Variants in EML1 observed in about 807,000 individuals in gnomAD.
EML1 encodes echinoderm microtubule-associated protein-like 1.
Under a neutral mutation model 110.4 loss-of-function variants are expected in EML1, and 27 were observed. The ratio of observed to expected loss-of-function variants is 0.24; its 90% CI spans 0.18 to 0.34. The LOEUF (loss-of-function observed/expected upper bound fraction) is 0.34. Among genes scored for constraint, EML1 ranks in the 10% least tolerant of loss-of-function variants. The pLI is 1.00. For missense variants in EML1, 741 were observed against 1,030.9 expected (o/e 0.72, Z 3.85); for synonymous variants, 344 against 385.8 (o/e 0.89, Z 1.27).
chr14:99,871,178 C>T (rs1165553828), intron 3 of EML1, among the ~76,000 whole-genome samples: 6 of 152,140 alleles, frequency 3.9e-5, no homozygotes, highest in African/African-American at 1.4e-4. Context: ...AAGATGATCT[C>T]GATCTCTTGA....
At chr14:99,870,608 G>A (rs2059181741) in intron 3 of EML1, among the ~76,000 whole-genome samples, 1 of 152,194 alleles carries the variant, frequency 6.6e-6, no homozygotes, top group Admixed American at 6.5e-5. Context: ...GCCTGATGTG[G>A]CTGGTGACTT....
In EML1 at chr14:99,915,072, G is replaced by T. The variant is rs141962090; in HGVS notation, c.1752+375G>T. On this transcript the variant is annotated intron_variant, in intron 15 of 21. Coordinates refer to ENST00000262233, the MANE Select transcript of EML1 (RefSeq NM_004434.3). ...AATTTACAAGCTGTACTAAACACAC[G>T]ATTGAATATATCTCTACATTTTGAG... is the stretch of plus-strand genomic sequence containing the variant. The T allele has an allele frequency of 1.9e-4, 50 of 264,464 alleles. 1 individual carries two copies. The highest frequency in any genetic ancestry group is 8.5e-4 in the African/African-American group (36 of 42,540). 16.4% of individuals were successfully genotyped at this position (264,464 alleles called of 1,614,324 possible).
chr14:99,824,204 C>T (rs960267418), intron 1 of EML1, among the ~76,000 whole-genome samples: 2 of 152,234 alleles, frequency 1.3e-5, no homozygotes, highest in African/African-American at 4.8e-5. Context: ...AGGCGATCCA[C>T]CCGCCTCAGC....
At chr14:99,909,554 T>G in intron 11 of EML1, 75 bp downstream of exon 11, 1 of 1,582,576 alleles carries the variant, frequency 6.3e-7, no homozygotes, top group Non-Finnish European at 8.6e-7. Flanking sequence ...CTCTGGGGGC[T>G]CTGGTGATCA....
At chr14:99,871,910 G>A (rs11844875) in intron 3 of EML1, among the ~76,000 whole-genome samples, 2,777 of 152,264 alleles carry the variant, frequency 0.018, 89 homozygotes, top group African/African-American at 0.064. Context: ...CGTGGGGAAC[G>A]TGGCCCGGGC....
At chr14:99,821,023 CTTTTT>C (rs869159128) in intron 1 of EML1, among the ~76,000 whole-genome samples, 1 of 133,868 alleles carries the variant, frequency 7.5e-6, no homozygotes, top group Non-Finnish European at 1.6e-5. Context: ...CTTACATTTA[CTTTTT>C]TTTTTTTTTT....
At position 99,917,706 on chromosome 14, in the gene EML1, C is replaced by A. The variant is rs993033248; in HGVS notation, c.1753-76C>A. The A allele has an allele frequency of 1.3e-5, 18 of 1,399,304 alleles. No individual in the cohort carries two copies. In the South Asian group the frequency reaches 2.0e-4, roughly 16 times the overall value. The allele number at this position is 1,399,304 out of a possible 1,614,324, so 86.7% of individuals were successfully genotyped here. ...AGAAGTGTGAGCGTTTGTGTGTGCACGCACTCACGTGTGTGTGTTTTATGC... is the reference window on the plus strand; with the variant it reads ...AGAAGTGTGAGCGTTTGTGTGTGCAAGCACTCACGTGTGTGTGTTTTATGC... On this transcript the variant is annotated intron_variant, in intron 15 of 21. Transcript: ENST00000262233.
At chr14:99,748,645 G>A (rs957677118) in intron 1 of EML1, among the ~76,000 whole-genome samples, 7 of 152,114 alleles carry the variant, frequency 4.6e-5, no homozygotes, top group Non-Finnish European at 7.4e-5. Context: ...GCAACAGAGC[G>A]AGACCCTGTC....
rs543081142 is a variant in EML1, at chr14:99,936,396, A to C, written c.2095+62A>C. On this transcript the variant is annotated intron_variant, in intron 19 of 21. Coordinates refer to ENST00000262233, the MANE Select transcript of EML1 (RefSeq NM_004434.3). This position sits in a 1 kb window ranked among gnomAD's most constrained non-coding sequence, Gnocchi z 5.5. ...TCAGAAAGCGTTCACTCTGAGATCC[A>C]GGGGGCCTCTGTGAGAACCCACCTC... 6.2e-5 allele frequency: 94 copies of C among 1,509,698 alleles called. No homozygotes were observed. The African/African-American group carries it at 1.2e-3, about 19-fold the overall frequency. The allele number at this position is 1,509,698 out of a possible 1,614,324, so 93.5% of individuals were successfully genotyped here. A position where few individuals can be genotyped will look rare whatever the true frequency, so the allele number is the denominator to read the frequency against.
chr14:99,778,944 T>C lies in EML1; in HGVS notation c.-27+4931T>C, dbSNP rs79408915. ...CCAGTGTTCTAAAACATCTGGTGCA[T>C]ATAACAGCTGATGGACGTAACATTT... On this transcript the variant is annotated intron_variant, in intron 1 of 22. Transcript: ENST00000327921. Among the ~76,000 whole-genome samples, 1,118 of 152,338 alleles carry C rather than the reference T, an allele frequency of 7.3e-3. 9 individuals are homozygous for C. Among genetic ancestry groups the C allele is most frequent in the African/African-American group, 0.026 (1,071 of 41,592 alleles).
At chr14:99,853,316 C>T (rs2058843364) in intron 2 of EML1, among the ~76,000 whole-genome samples, 1 of 152,108 alleles carries the variant, frequency 6.6e-6, no homozygotes, top group South Asian at 2.1e-4. Context: ...CTTGGGCTCT[C>T]TACTTTCTGT....
chr14:99,876,376 G>A lies in EML1; in HGVS notation c.384-2109G>A, dbSNP rs139266208. Among the ~76,000 whole-genome samples the A allele has an allele frequency of 2.5e-3, 385 of 152,220 alleles. 4 individuals are homozygous for A. Among genetic ancestry groups the A allele is most frequent in the African/African-American group, 8.7e-3 (361 of 41,536 alleles). On this transcript the variant is annotated intron_variant, in intron 3 of 21. Coordinates refer to ENST00000262233, the MANE Select transcript of EML1 (RefSeq NM_004434.3). ...CACTGAAGCTGTGCCCACTGGCGCCGCCTGAGACTCCCCACTTCCCAGGGC... is the reference window on the plus strand; with the variant it reads ...CACTGAAGCTGTGCCCACTGGCGCCACCTGAGACTCCCCACTTCCCAGGGC...
chr14:99,926,576 C>T (rs2060238425), intron 17 of EML1, among the ~76,000 whole-genome samples: 1 of 151,830 alleles, frequency 6.6e-6, no homozygotes, highest in Non-Finnish European at 1.5e-5. Flanking sequence ...TAAGCCACTG[C>T]CCCTGGCAGC....
chr14:99,755,646 G>T (rs928525547), intron 1 of EML1, among the ~76,000 whole-genome samples: 2 of 152,130 alleles, frequency 1.3e-5, no homozygotes, highest in African/African-American at 4.8e-5. Flanking sequence ...TTCCCATTCC[G>T]TGGTCACTTG....
chr14:99,903,784 C>CTTTTT lies in EML1; in HGVS notation c.1008+2745_1008+2746insTTTTT, dbSNP rs202121563. On this transcript the variant is annotated intron_variant, in intron 9 of 21. Coordinates refer to ENST00000262233, the MANE Select transcript of EML1 (RefSeq NM_004434.3). ...ACAAAATCTCATAGATAAATCTATT[C>CTTTTT]ATTTTTTTTTTTTTTTTGAGACAGA... 1.1e-4 allele frequency among the ~76,000 whole-genome samples: 16 copies of CTTTTT among 141,612 alleles called. 3 individuals carry two copies. The highest frequency in any genetic ancestry group is 7.6e-5 in the Non-Finnish European group (5 of 65,538). 92.9% of individuals were successfully genotyped at this position (141,612 alleles called of 152,430 possible). A position where few individuals can be genotyped will look rare whatever the true frequency, so the allele number is the denominator to read the frequency against.
At chr14:99,847,570 T>C (rs1425660204) in intron 1 of EML1, among the ~76,000 whole-genome samples, 2 of 152,146 alleles carry the variant, frequency 1.3e-5, no homozygotes, top group African/African-American at 4.8e-5. Context: ...AGCTTTTATT[T>C]ATTTTTTTAT....
upstream of EML1, among the ~76,000 whole-genome samples, chr14:99,768,464 C>T (rs1225835070): frequency 2.0e-5 from 3 of 152,028 alleles, no homozygotes; most frequent in Non-Finnish European, 4.4e-5. Flanking sequence ...CGGGCACAGG[C>T]GCAGAGACAC....
intron 2 of EML1, among the ~76,000 whole-genome samples, chr14:99,865,095 C>A (rs958110836): frequency 6.6e-6 from 1 of 152,158 alleles, no homozygotes; most frequent in Admixed American, 6.5e-5. Flanking sequence ...CTTACTATTA[C>A]ATTTTAATAT....
At chr14:99,922,015 T>C (rs2060139233) in intron 17 of EML1, among the ~76,000 whole-genome samples, 1 of 152,236 alleles carries the variant, frequency 6.6e-6, no homozygotes, top group Non-Finnish European at 1.5e-5. Context: ...GTTGGTTGCA[T>C]CTGACTTCAT....
Sources: allele counts gnomAD v4.1 joint callset (sites outside exome capture counted in the v4.1 genomes callset), GRCh38; gene constraint gnomAD v4.1.1; non-coding constraint Gnocchi (gnomAD v3.1); transcripts MANE v1.5; gene names NCBI Gene and HGNC (gene_info 2026-07-23, HGNC 2026-07-21).